KYAT1: variants seen among roughly 807,000 people sequenced by gnomAD.
The protein encoded by KYAT1 is kynurenine--oxoglutarate transaminase 1.
KYAT1 carries 47 observed loss-of-function variants against 52.4 expected under a neutral mutation model. The ratio of observed to expected loss-of-function variants is 0.90; its 90% CI spans 0.71 to 1.14. The LOEUF is 1.14. Among genes scored for constraint, KYAT1 ranks in the 50% most tolerant of loss-of-function variants. The probability of loss-of-function intolerance (pLI) is 0.00; values close to 1 mark genes in which losing one functional copy is unlikely to be tolerated. For synonymous variants in KYAT1, 212 were observed against 209.6 expected (o/e 1.01, Z -0.10); for missense variants, 480 against 557.9 (o/e 0.86, Z 1.41).
chr9:128,862,087 CTG>C (rs1835537318), intron 1 of KYAT1, among the ~76,000 whole-genome samples: 2 of 152,210 alleles, frequency 1.3e-5, no homozygotes, highest in South Asian at 2.1e-4. Context: ...ACATCGGACT[CTG>C]TGTCCATCAA....
rs766794872 is a variant in KYAT1, at chr9:128,835,317, G to T, written c.1122+6C>A. On this transcript the variant is annotated splice_donor_region_variant and intron_variant, in intron 11 of 12. Coordinates refer to ENST00000302586, the MANE Select transcript of KYAT1 (RefSeq NM_004059.5). ...TACATGGCTGCCTGGCAGAGGCCCA[G>T]CCCACCTTGTTCTTGATCATCCACT... The T allele has an allele frequency of 6.2e-7, 1 of 1,612,584 alleles. No individual in the cohort carries two copies. The highest frequency in any genetic ancestry group is 8.5e-7 in the Non-Finnish European group (1 of 1,178,888).
At chr9:128,861,392 C>T (rs1160345799) in intron 1 of KYAT1, among the ~76,000 whole-genome samples, 1 of 152,180 alleles carries the variant, frequency 6.6e-6, no homozygotes, top group Non-Finnish European at 1.5e-5. Context: ...CTCTCTCCTG[C>T]CGCCATGTGA....
rs1424469526 is a variant in KYAT1 at position 128,850,704 on chromosome 9, G to C, written c.-6-5293C>G. On this transcript the variant is annotated intron_variant, in intron 1 of 12. Coordinates refer to ENST00000302586, the MANE Select transcript of KYAT1 (RefSeq NM_004059.5). ...TGAGGTGGATTAGTAAAAGAGGAAA[G>C]CCTCATGAAGTTGAGATAGAGGAAG... is the stretch of plus-strand genomic sequence containing the variant. 3.9e-5 allele frequency among the ~76,000 whole-genome samples: 6 copies of C among 152,206 alleles called. No individual in the cohort carries two copies. The East Asian group carries it at 9.6e-4, about 24-fold the overall frequency.
intron 1 of KYAT1, among the ~76,000 whole-genome samples, chr9:128,876,004 C>G (rs927614538): frequency 1.3e-5 from 2 of 152,076 alleles, no homozygotes; most frequent in Non-Finnish European, 2.9e-5. Flanking sequence ...CCAGCTCTGC[C>G]CAGAAGCCTG....
chr9:128,865,666 G>A (rs1044037835), intron 1 of KYAT1, among the ~76,000 whole-genome samples: 1 of 151,706 alleles, frequency 6.6e-6, no homozygotes, highest in Non-Finnish European at 1.5e-5. Flanking sequence ...CCAGCACAGA[G>A]CCAATATTTG....
chr9:128,857,199 T>C (rs1427772216), intron 1 of KYAT1, among the ~76,000 whole-genome samples: 2 of 152,014 alleles, frequency 1.3e-5, no homozygotes, highest in African/African-American at 2.4e-5. Flanking sequence ...TTTGCTCACA[T>C]GTTTTTTTGC....
At chr9:128,861,558 C>T (rs762812914) in intron 1 of KYAT1, among the ~76,000 whole-genome samples, 4 of 152,162 alleles carry the variant, frequency 2.6e-5, no homozygotes, top group South Asian at 2.1e-4. Flanking sequence ...ACACACAAGG[C>T]GATGCCAGAG....
At chr9:128,845,498 A>G (rs1832947077) in intron 1 of KYAT1, 87 bp from the exon 2 acceptor site, 2 of 1,272,350 alleles carry the variant, frequency 1.6e-6, no homozygotes, top group Non-Finnish European at 2.3e-6. Flanking sequence ...AGCTGCTTTC[A>G]GGCCACAGCG....
intron 1 of KYAT1, among the ~76,000 whole-genome samples, chr9:128,865,328 TATATATATA>T (rs1836101180): frequency 8.2e-5 from 3 of 36,648 alleles, no homozygotes; most frequent in Non-Finnish European, 1.2e-4. Flanking sequence ...TATATATATA[TATATATATA>T]TATATATATA....
chr9:128,854,638 T>C (rs1834369528), intron 1 of KYAT1, among the ~76,000 whole-genome samples: 1 of 152,216 alleles, frequency 6.6e-6, no homozygotes, highest in Non-Finnish European at 1.5e-5. Flanking sequence ...CTTTAATGAT[T>C]GTATCAATGG....
Position 128,836,080 on chromosome 9 carries a change from A to G in KYAT1, c.689-7T>C. ...CACATGCCAGGGAGGCTGGCTGCCCAAGGCCGAACAGAACAGCTGCTGAGA... is the reference window on the plus strand; with the variant it reads ...CACATGCCAGGGAGGCTGGCTGCCCGAGGCCGAACAGAACAGCTGCTGAGA... On this transcript the variant is annotated splice_polypyrimidine_tract_variant and splice_region_variant and intron_variant, in intron 7 of 12. Coordinates refer to ENST00000302586, the MANE Select transcript of KYAT1 (RefSeq NM_004059.5). 4 of 1,613,374 alleles carry G rather than the reference A, an allele frequency of 2.5e-6. No homozygotes were observed. Among genetic ancestry groups the G allele is most frequent in the South Asian group, 2.2e-5 (2 of 91,034 alleles).
chr9:128,880,910 C>A (rs1420562119), intron 1 of KYAT1, among the ~76,000 whole-genome samples: 6 of 152,180 alleles, frequency 3.9e-5, no homozygotes, highest in Non-Finnish European at 8.8e-5. Context: ...TCTATCTGTG[C>A]ACATGGTAGT....
chr9:128,866,346 T>A (rs1423471769), intron 1 of KYAT1, among the ~76,000 whole-genome samples: 2 of 152,242 alleles, frequency 1.3e-5, no homozygotes. Context: ...ACGCCTGTAA[T>A]CCCAGCACTT....
At chr9:128,854,947 G>C (rs1834417484) in intron 1 of KYAT1, among the ~76,000 whole-genome samples, 1 of 152,162 alleles carries the variant, frequency 6.6e-6, no homozygotes, top group African/African-American at 2.4e-5. Context: ...AGTATCTACT[G>C]TCAGTGCCAC....
At chr9:128,857,303 A>G (rs755894520) in intron 1 of KYAT1, among the ~76,000 whole-genome samples, 5 of 152,222 alleles carry the variant, frequency 3.3e-5, no homozygotes, top group African/African-American at 4.8e-5. Context: ...GAAACTCAGA[A>G]ACCGATGCTG....
chr9:128,871,013 C>G (rs1261568878), intron 1 of KYAT1, among the ~76,000 whole-genome samples: 1 of 150,800 alleles, frequency 6.6e-6, no homozygotes, highest in Non-Finnish European at 1.5e-5. Context: ...AACCCATTTA[C>G]ATTTTTTAAA....
At chr9:128,875,819 C>A (rs914635328) in intron 1 of KYAT1, among the ~76,000 whole-genome samples, 1 of 152,110 alleles carries the variant, frequency 6.6e-6, no homozygotes, top group Non-Finnish European at 1.5e-5. Context: ...GTGGCCTGTG[C>A]CCCCCTCCAA....
chr9:128,869,206 G>C (rs1003219571), intron 1 of KYAT1, among the ~76,000 whole-genome samples: 2 of 151,692 alleles, frequency 1.3e-5, no homozygotes, highest in Admixed American at 1.3e-4. Flanking sequence ...CTGTTGCCTA[G>C]GCTGGAGTGC....
In KYAT1 at chr9:128,847,645, T is replaced by TAACAACAAC. The variant is rs200864772; in HGVS notation, c.-6-2235_-6-2234insGTTGTTGTT. 6 of 574,280 alleles carry TAACAACAAC rather than the reference T, an allele frequency of 1.0e-5. No individual in the cohort carries two copies. In the East Asian group the frequency reaches 1.7e-4, roughly 16 times the overall value. The allele number at this position is 574,280 out of a possible 1,614,324, so 35.6% of individuals were successfully genotyped here. A position where few individuals can be genotyped will look rare whatever the true frequency, so the allele number is the denominator to read the frequency against. On this transcript the variant is annotated intron_variant, in intron 1 of 12. Transcript: ENST00000302586. Reference sequence around the variant, plus strand: ...GACTTGGGTCCCCCACACACAGCTCTAACAATAACAACAACAACAACAACA... The same window carrying TAACAACAAC: ...GACTTGGGTCCCCCACACACAGCTCTAACAACAACAACAATAACAACAACAACAACAACA...
Sources: allele counts gnomAD v4.1 joint callset (sites outside exome capture counted in the v4.1 genomes callset), GRCh38; gene constraint gnomAD v4.1.1; transcripts MANE v1.5; gene names NCBI Gene and HGNC (gene_info 2026-07-23, HGNC 2026-07-21).